BBX: variants seen among roughly 807,000 people sequenced by gnomAD.
BBX encodes BBX high mobility group box domain containing.
Under a neutral mutation model 100.2 loss-of-function variants are expected in BBX, and 30 were observed. The observed-to-expected ratio is 0.30, with a 90% CI of 0.22 to 0.41. The LOEUF is 0.41. BBX is among the 10% of genes least tolerant of loss of function. The pLI is 1.00. For synonymous variants in BBX, 376 were observed against 388.1 expected, an observed-to-expected ratio of 0.97 and a Z score of 0.37; for missense variants, 1,023 against 1,129.8, an observed-to-expected ratio of 0.91 and a Z score of 1.35.
rs779028591 is a variant in BBX at position 107,801,178 on chromosome 3, G to A, written c.2635G>A (p.Glu879Lys). 2.1e-5 allele frequency: 34 copies of A among 1,614,076 alleles called. No homozygotes were observed. The South Asian group carries it at 3.3e-4, about 16-fold the overall frequency. ...DCNDKCSHNTEVGETRSSTPE... is the reference protein window; with the variant it reads ...DCNDKCSHNTKVGETRSSTPE... ...CAATGACAAATGCTCACACAACACC[G>A]AGGTCGGGGAGACGCGGAGCAGTAC... is the stretch of plus-strand genomic sequence containing the variant. Residue 879 changes from glutamate to lysine, a missense_variant, in exon 17 of 18, where the codon GAG (glutamate) becomes AAG (lysine). Glu to Lys is a moderately conservative substitution (Grantham distance 56, BLOSUM62 1). This residue lies in a region of BBX where 104 missense variants were observed against 132.2 expected (regional missense o/e 0.79). Coordinates refer to ENST00000325805, the MANE Select transcript of BBX (RefSeq NM_001142568.3).
At chr3:107,602,994 C>T (rs1382014282) in intron 2 of BBX, among the ~76,000 whole-genome samples, 2 of 152,140 alleles carry the variant, frequency 1.3e-5, no homozygotes, top group Admixed American at 6.5e-5. Flanking sequence ...GACGGAGTCT[C>T]GTTCTGTCAT....
intron 2 of BBX, among the ~76,000 whole-genome samples, chr3:107,638,756 ACC>A (rs2056999957): frequency 1.3e-5 from 1 of 76,610 alleles, no homozygotes. Context: ...CCACTCCTCT[ACC>A]AAAAAAAAAA....
intron 4 of BBX, among the ~76,000 whole-genome samples, chr3:107,715,913 G>C (rs2062070630): frequency 6.6e-6 from 1 of 152,186 alleles, no homozygotes; most frequent in South Asian, 2.1e-4. Context: ...CCTATCACCA[G>C]AGCATTTCAC....
At chr3:107,591,003 T>A (rs927339428) in intron 2 of BBX, among the ~76,000 whole-genome samples, 3 of 152,262 alleles carry the variant, frequency 2.0e-5, no homozygotes, top group Non-Finnish European at 2.9e-5. Context: ...ATGACCTTGC[T>A]TCCCTAACAC....
At chr3:107,800,334 AT>A (rs1489860729) in intron 16 of BBX, among the ~76,000 whole-genome samples, 11 of 152,362 alleles carry the variant, frequency 7.2e-5, no homozygotes, top group African/African-American at 2.6e-4. Context: ...GTGAAGAAAT[AT>A]GAGAACAGTC....
intron 8 of BBX, among the ~76,000 whole-genome samples, chr3:107,745,298 G>C (rs1323013640): frequency 6.6e-6 from 1 of 152,014 alleles, no homozygotes; most frequent in Non-Finnish European, 1.5e-5. Flanking sequence ...ATTTACTCTG[G>C]AACTCAATAT....
intron 10 of BBX, among the ~76,000 whole-genome samples, chr3:107,768,440 A>T (rs893369103): frequency 6.6e-6 from 1 of 152,224 alleles, no homozygotes; most frequent in Non-Finnish European, 1.5e-5. Context: ...TCTTCATGAA[A>T]GGGCTCTAGA....
chr3:107,760,093 T>A (rs1175244142), intron 10 of BBX, among the ~76,000 whole-genome samples: 1 of 152,196 alleles, frequency 6.6e-6, no homozygotes, highest in Non-Finnish European at 1.5e-5. Flanking sequence ...AACCAAAAGC[T>A]ATAGAAGTTA....
intron 2 of BBX, among the ~76,000 whole-genome samples, chr3:107,567,592 G>A (rs1227039672): frequency 6.6e-6 from 1 of 151,996 alleles, no homozygotes; most frequent in Non-Finnish European, 1.5e-5. Context: ...CTGCTGTATG[G>A]TTTCACATCC....
Position 107,720,370 on chromosome 3 carries a change from G to A in BBX, c.405+3521G>A, listed in dbSNP as rs117736160. Among the ~76,000 whole-genome samples the A allele has an allele frequency of 1.3e-3, 205 of 152,042 alleles. 4 individuals are homozygous for A. In the East Asian group the frequency reaches 0.028, roughly 21 times the overall value. ...AGGAAGAATCTGCTTGTGCTGGGGA[G>A]GGAAGTGGGTGGAAGTGGATCAGGA... On this transcript the variant is annotated intron_variant, in intron 5 of 17. Coordinates refer to ENST00000325805, the MANE Select transcript of BBX (RefSeq NM_001142568.3).
chr3:107,654,464 A>G (rs1281086857), intron 3 of BBX, among the ~76,000 whole-genome samples: 1 of 152,110 alleles, frequency 6.6e-6, no homozygotes, highest in Non-Finnish European at 1.5e-5. Context: ...CTGCTATAAT[A>G]GAATATTTTA....
intron 3 of BBX, among the ~76,000 whole-genome samples, chr3:107,675,731 G>A (rs914534777): frequency 6.6e-6 from 1 of 152,134 alleles, no homozygotes; most frequent in Non-Finnish European, 1.5e-5. Context: ...CTGATTTTGT[G>A]GTCAAGAGAC....
chr3:107,756,606 T>C (rs2065498219), intron 10 of BBX, among the ~76,000 whole-genome samples: 1 of 152,174 alleles, frequency 6.6e-6, no homozygotes, highest in African/African-American at 2.4e-5. Context: ...AAATATATAA[T>C]ATCTTTAAAT....
At chr3:107,744,737 T>A in intron 8 of BBX, 27 bp downstream of exon 8, 1 of 1,572,668 alleles carries the variant, frequency 6.4e-7, no homozygotes, top group Non-Finnish European at 8.8e-7. Flanking sequence ...GATACTTAAC[T>A]AATGAGGAAA....
intron 2 of BBX, among the ~76,000 whole-genome samples, chr3:107,619,367 C>G (rs373155402): frequency 6.6e-6 from 1 of 152,014 alleles, no homozygotes. Context: ...CCCCATAACC[C>G]CTTTATGTCT....
intron 3 of BBX, among the ~76,000 whole-genome samples, chr3:107,670,558 T>TA (rs56875630): frequency 0.013 from 2,041 of 152,104 alleles, 43 homozygotes; most frequent in African/African-American, 0.047. Flanking sequence ...ATATGTCAAT[T>TA]AAAAAATAAA....
intron 2 of BBX, among the ~76,000 whole-genome samples, chr3:107,590,131 G>A (rs969264951): frequency 1.6e-4 from 25 of 151,798 alleles, no homozygotes; most frequent in Admixed American, 1.1e-3. Flanking sequence ...TAATCATTTC[G>A]TGGGACCTTT....
chr3:107,716,539 A>C, intron 4 of BBX, 68 bp from the exon 5 acceptor site: 1 of 1,563,918 alleles, frequency 6.4e-7, no homozygotes, highest in Admixed American at 1.8e-5. Context: ...TTGCAAACCA[A>C]GACTAACTGT....
chr3:107,570,147 G>A (rs1262253635), intron 2 of BBX, among the ~76,000 whole-genome samples: 4 of 152,174 alleles, frequency 2.6e-5, no homozygotes, highest in South Asian at 2.1e-4. Context: ...TGGCTGCTGC[G>A]GTTCAGGCGT....
Sources: gnomAD v4.1 joint callset for allele counts (sites outside exome capture counted in the v4.1 genomes callset) on GRCh38, gnomAD v4.1.1 for gene constraint, gnomAD v4.1.1 regional missense constraint, MANE v1.5 for transcripts, NCBI Gene and HGNC (gene_info 2026-07-23, HGNC 2026-07-21) for gene names.